RABGAP1L: variants seen among roughly 807,000 people sequenced by gnomAD.
The protein encoded by RABGAP1L is RAB GTPase activating protein 1 like.
Under a neutral mutation model 137.7 loss-of-function variants are expected in RABGAP1L, and 63 were observed. The observed-to-expected ratio is 0.46, with a 90% CI of 0.37 to 0.56. The LOEUF (loss-of-function observed/expected upper bound fraction) is 0.56, where lower values mean the gene tolerates loss of function less well. Among genes scored for constraint, RABGAP1L ranks in the 20% least tolerant of loss-of-function variants. RABGAP1L has a pLI of 0.00. For missense variants in RABGAP1L, 1,095 were observed against 1,244.0 expected, an observed-to-expected ratio of 0.88 and a Z score of 1.80; for synonymous variants, 431 against 433.7, an observed-to-expected ratio of 0.99 and a Z score of 0.08.
Position 174,456,442 on chromosome 1 carries a change from AT to A in RABGAP1L, c.1710+62306del, listed in dbSNP as rs60930429. Among the ~76,000 whole-genome samples, 211 of 151,412 alleles carry A rather than the reference AT, an allele frequency of 1.4e-3. 1 individual carries two copies. Among genetic ancestry groups the A allele is most frequent in the African/African-American group, 4.5e-3 (186 of 41,324 alleles). On this transcript the variant is annotated intron_variant, in intron 13 of 25. Transcript: ENST00000681986. Reference sequence around the variant, plus strand: ...TATAGTCATATACTTTATGTTTTGAATTTTTTTTTGTAATAGATTTGCAATG... The same window carrying A: ...TATAGTCATATACTTTATGTTTTGAATTTTTTTTGTAATAGATTTGCAATG...
chr1:174,459,011 C>T (rs951339436), intron 13 of RABGAP1L, among the ~76,000 whole-genome samples: 1 of 152,024 alleles, frequency 6.6e-6, no homozygotes, highest in Admixed American at 6.6e-5. Flanking sequence ...CAATGTATGA[C>T]ATTATTAATA....
At chr1:174,619,997 T>C (rs184837847) in intron 13 of RABGAP1L, among the ~76,000 whole-genome samples, 1 of 152,144 alleles carries the variant, frequency 6.6e-6, no homozygotes, top group Admixed American at 6.5e-5. Context: ...TCCTAGTCTC[T>C]GATAAAACAG....
chr1:174,833,935 C>A (rs1031316963), intron 19 of RABGAP1L, among the ~76,000 whole-genome samples: 2 of 152,026 alleles, frequency 1.3e-5, no homozygotes, highest in Non-Finnish European at 2.9e-5. Flanking sequence ...CCCTAACAGA[C>A]CAATAGGAGC....
chr1:174,988,875 A>C lies in RABGAP1L; in HGVS notation c.3003+37A>C, dbSNP rs1409539372. On this transcript the variant is annotated intron_variant, in intron 25 of 25. Transcript: ENST00000681986. ...GATAAAAGAACAAGAAGAAAGAATAAACAATTAATGGTCCAGGATACTCTA... is the reference window on the plus strand; with the variant it reads ...GATAAAAGAACAAGAAGAAAGAATACACAATTAATGGTCCAGGATACTCTA... 1.0e-5 allele frequency: 15 copies of C among 1,506,134 alleles called. No individual in the cohort carries two copies. In the South Asian group the frequency reaches 2.0e-4, roughly 20 times the overall value. 93.3% of individuals were successfully genotyped at this position (1,506,134 alleles called of 1,614,324 possible).
chr1:174,888,909 G>T (rs376846491), intron 19 of RABGAP1L, among the ~76,000 whole-genome samples: 30 of 152,044 alleles, frequency 2.0e-4, no homozygotes, highest in African/African-American at 6.8e-4. Flanking sequence ...ATCCCACATA[G>T]TTACAATCAT....
intron 14 of RABGAP1L, among the ~76,000 whole-genome samples, chr1:174,649,736 C>T (rs1322950100): frequency 6.6e-6 from 1 of 152,124 alleles, no homozygotes; most frequent in Non-Finnish European, 1.5e-5. Flanking sequence ...AGATTTTGGG[C>T]TGAGACAATG....
intron 18 of RABGAP1L, among the ~76,000 whole-genome samples, chr1:174,776,964 A>C (rs1055062896): frequency 1.3e-5 from 2 of 152,238 alleles, no homozygotes; most frequent in Admixed American, 1.3e-4. Context: ...GACAGGTATT[A>C]TAGGCACACA....
At chr1:174,362,131 A>T (rs758983581) in intron 11 of RABGAP1L, among the ~76,000 whole-genome samples, 1 of 152,180 alleles carries the variant, frequency 6.6e-6, no homozygotes, top group African/African-American at 2.4e-5. Flanking sequence ...TTTTATGGCT[A>T]CATATTATTC....
At chr1:174,657,635 T>G (rs1226411500) in intron 14 of RABGAP1L, among the ~76,000 whole-genome samples, 1 of 152,230 alleles carries the variant, frequency 6.6e-6, no homozygotes, top group Non-Finnish European at 1.5e-5. Flanking sequence ...CTTTATCCAT[T>G]CATCTGTTGT....
chr1:174,393,175 C>T (rs972150251), intron 12 of RABGAP1L, among the ~76,000 whole-genome samples: 1 of 152,064 alleles, frequency 6.6e-6, no homozygotes, highest in Non-Finnish European at 1.5e-5. Flanking sequence ...TGTGTTGCTT[C>T]CCCAGCAAGT....
chr1:174,399,164 T>C (rs1187562251), intron 13 of RABGAP1L, among the ~76,000 whole-genome samples: 2 of 152,214 alleles, frequency 1.3e-5, no homozygotes, highest in Admixed American at 6.5e-5. Context: ...AATTTCATTG[T>C]CTTCCTTGCA....
chr1:174,570,316 C>G (rs1307311229), intron 13 of RABGAP1L, among the ~76,000 whole-genome samples: 1 of 152,126 alleles, frequency 6.6e-6, no homozygotes, highest in East Asian at 1.9e-4. Context: ...TTTATTTTGC[C>G]TCTATACTGG....
intron 11 of RABGAP1L, among the ~76,000 whole-genome samples, chr1:174,319,028 A>G (rs1679689989): frequency 6.6e-6 from 1 of 151,998 alleles, no homozygotes; most frequent in Non-Finnish European, 1.5e-5. Context: ...ACAGTATTGC[A>G]TATTTTGTAT....
chr1:174,551,019 T>TAC (rs200554387), intron 13 of RABGAP1L, among the ~76,000 whole-genome samples: 6 of 116,024 alleles, frequency 5.2e-5, no homozygotes, highest in South Asian at 2.5e-4. Flanking sequence ...TATATATATA[T>TAC]ATACATACAC....
intron 17 of RABGAP1L, among the ~76,000 whole-genome samples, chr1:174,739,854 A>G (rs1270661382): frequency 6.6e-6 from 1 of 152,234 alleles, no homozygotes; most frequent in Non-Finnish European, 1.5e-5. Flanking sequence ...GCTTTGCAGT[A>G]AAGTGTTATA....
intron 19 of RABGAP1L, among the ~76,000 whole-genome samples, chr1:174,937,947 G>T (rs1044938553): frequency 6.7e-6 from 1 of 149,022 alleles, no homozygotes; most frequent in Non-Finnish European, 1.5e-5. Flanking sequence ...TCCTGACCTC[G>T]TGATCTGCCC....
chr1:174,918,874 C>T (rs1015125939), intron 19 of RABGAP1L, among the ~76,000 whole-genome samples: 1 of 152,020 alleles, frequency 6.6e-6, no homozygotes, highest in Admixed American at 6.6e-5. Context: ...AAATTTGTCT[C>T]GTACAGTGGC....
intron 13 of RABGAP1L, among the ~76,000 whole-genome samples, chr1:174,573,896 T>C (rs947610759): frequency 6.6e-5 from 10 of 152,226 alleles, no homozygotes; most frequent in Non-Finnish European, 1.5e-5. Flanking sequence ...TGAACTGAAA[T>C]TTAGTTTTGG....
chr1:174,327,550 C>T (rs1680545706), intron 11 of RABGAP1L, among the ~76,000 whole-genome samples: 1 of 151,794 alleles, frequency 6.6e-6, no homozygotes, highest in Non-Finnish European at 1.5e-5. Flanking sequence ...AGAAAACCTC[C>T]TACCTGGAAA....
Sources: gnomAD v4.1 joint callset for allele counts (sites outside exome capture counted in the v4.1 genomes callset) on GRCh38, gnomAD v4.1.1 for gene constraint, MANE v1.5 for transcripts, NCBI Gene and HGNC (gene_info 2026-07-23, HGNC 2026-07-21) for gene names.